ZFAND2B: variants seen among roughly 807,000 people sequenced by gnomAD.
ZFAND2B encodes the protein zinc finger AN1-type containing 2B.
Under a neutral mutation model 38.2 loss-of-function variants are expected in ZFAND2B, and 27 were observed. The observed-to-expected ratio is 0.71, with a 90% CI of 0.52 to 0.97. The LOEUF is 0.97. ZFAND2B is among the 50% of genes least tolerant of loss of function. The probability of loss-of-function intolerance (pLI) is 0.00; values close to 1 mark genes in which losing one functional copy is unlikely to be tolerated. For missense variants in ZFAND2B, 303 were observed against 331.5 expected (o/e 0.91, Z 0.67); for synonymous variants, 111 against 119.4 (o/e 0.93, Z 0.46).
rs1244094616 is a variant in ZFAND2B, at chr2:219,209,052, A to G, written c.729+3A>G. 1.2e-6 allele frequency: 2 copies of G among 1,614,100 alleles called. No individual in the cohort carries two copies. The highest frequency in any genetic ancestry group is 8.5e-7 in the Non-Finnish European group (1 of 1,180,032). ...AGGCAGAATACCAGCGGCAGCAGGT[A>G]TGAGGCTGGGCTGAAGATATATGCT... On this transcript the variant is annotated splice_donor_region_variant and intron_variant, in intron 8 of 8. Coordinates refer to ENST00000289528, the MANE Select transcript of ZFAND2B (RefSeq NM_138802.3).
rs1209542760 is a variant in ZFAND2B, at chr2:219,207,953, C to G, written c.349C>G (p.Arg117Gly). ...AGAAATGATGAAACTGACCTGTGAACGCTGTAGCCGAAACTTCTGCATCAA... is the reference window on the plus strand; with the variant it reads ...AGAAATGATGAAACTGACCTGTGAAGGCTGTAGCCGAAACTTCTGCATCAA... ...QREMMKLTCE[R>G]CSRNFCIKHR... The change falls in exon 4 of 9, where the codon CGC becomes GGC. Residue 117 changes from arginine to glycine, a missense_variant. Arg to Gly is a moderately radical substitution (Grantham distance 125). Coordinates refer to ENST00000289528, the MANE Select transcript of ZFAND2B (RefSeq NM_138802.3). The G allele has an allele frequency of 7.4e-6, 12 of 1,614,048 alleles. No individual in the cohort carries two copies. The highest frequency in any genetic ancestry group is 1.0e-5 in the Non-Finnish European group (12 of 1,180,032).
chr2:219,207,274 A>C lies in ZFAND2B; in HGVS notation c.56-53A>C, dbSNP rs571225281. The stretch of plus-strand genomic sequence containing the variant: ...TTCCCGAGTGGAAGACTTGAGTGAG[A>C]GAGAAGGACATCGAGGTCCCGCTGG... On this transcript the variant is annotated intron_variant, in intron 1 of 8. Transcript: ENST00000289528. The C allele has an allele frequency of 3.2e-6, 5 of 1,572,022 alleles. No homozygotes were observed. In the African/African-American group the frequency reaches 4.0e-5, roughly 13 times the overall value.
intron 2 of ZFAND2B, 103 bp downstream of exon 2, chr2:219,207,524 C>A (rs1950505329): frequency 1.3e-6 from 2 of 1,581,664 alleles, no homozygotes; most frequent in African/African-American, 1.3e-5. Flanking sequence ...CCTTCTGAGG[C>A]TGTCAGTGCT....
rs1950492065 is a variant in ZFAND2B at position 219,206,942 on chromosome 2, G to A, written c.-46G>A. ...GACTTCGAGCACGAGCCCTAAAGAC[G>A]CTCAGCACTCGTCGCTTCTCCTAGC... On this transcript the variant is annotated 5_prime_UTR_variant, in exon 1 of 9. Coordinates refer to ENST00000289528, the MANE Select transcript of ZFAND2B (RefSeq NM_138802.3). 1 of 1,605,706 alleles carries A rather than the reference G, an allele frequency of 6.2e-7. No individual in the cohort carries two copies.
At position 219,208,368 on chromosome 2, in the gene ZFAND2B, T is replaced by G. The variant is rs760184101; in HGVS notation, c.527+20T>G. The G allele has an allele frequency of 1.9e-6, 3 of 1,614,100 alleles. No individual in the cohort carries two copies. The African/African-American group carries it at 4.0e-5, about 22-fold the overall frequency. On this transcript the variant is annotated intron_variant, in intron 5 of 8. Transcript: ENST00000289528. Reference sequence around the variant, plus strand: ...CAGCAGGTAGGCCTGCCCGTTTCCCTGCTCCCCCTTTTTCCCCTTCACACC... The same window carrying G: ...CAGCAGGTAGGCCTGCCCGTTTCCCGGCTCCCCCTTTTTCCCCTTCACACC...
In ZFAND2B at chr2:219,208,589, G is replaced by T. The variant is rs955321690; in HGVS notation, c.606G>T (p.Leu202=). The T allele has an allele frequency of 6.2e-7, 1 of 1,614,188 alleles. No homozygotes were observed. The highest frequency in any genetic ancestry group is 2.2e-5 in the East Asian group (1 of 44,888). The change falls in exon 7 of 9, where the codon CTG becomes CTT. Residue 202 remains leucine (L), a synonymous_variant. Coordinates refer to ENST00000289528, the MANE Select transcript of ZFAND2B (RefSeq NM_138802.3). Reference sequence around the variant, plus strand: ...CTTTGTAGAGTGAGGATGAAGCTCTGCAGCGGGCCCTGGAAATGTCCCTGG... The same window carrying T: ...CTTTGTAGAGTGAGGATGAAGCTCTTCAGCGGGCCCTGGAAATGTCCCTGG... ...LQNGLSEDEA[L]QRALEMSLAE...
chr2:219,206,931 G>A lies in ZFAND2B; in HGVS notation c.-57G>A, dbSNP rs1206673207. 7.6e-6 allele frequency: 12 copies of A among 1,589,200 alleles called. No homozygotes were observed. Among genetic ancestry groups the A allele is most frequent in the Non-Finnish European group, 9.5e-6 (11 of 1,163,424 alleles). ...GTCGCGGTGCGGACTTCGAGCACGA[G>A]CCCTAAAGACGCTCAGCACTCGTCG... On this transcript the variant is annotated 5_prime_UTR_variant, in exon 1 of 9. Coordinates refer to ENST00000289528, the MANE Select transcript of ZFAND2B (RefSeq NM_138802.3).
In ZFAND2B at chr2:219,206,802, G is replaced by C; in HGVS notation, c.-186G>C. On this transcript the variant is annotated 5_prime_UTR_variant, in exon 1 of 9. Transcript: ENST00000289528. ...ATGACGTCAGCGCGCCGCGCGCGCC[G>C]AGGGAGGAGCGGGCGCCGGGGGCCG... 1 of 534,442 alleles carries C rather than the reference G, an allele frequency of 1.9e-6. No individual in the cohort carries two copies. The highest frequency in any genetic ancestry group is 3.1e-6 in the Non-Finnish European group (1 of 327,538). 33.1% of individuals were successfully genotyped at this position (534,442 alleles called of 1,614,324 possible).
chr2:219,209,040 G>A lies in ZFAND2B; in HGVS notation c.720G>A (p.Gln240=), dbSNP rs201066889. The A allele has an allele frequency of 6.2e-7, 1 of 1,614,212 alleles. No homozygotes were observed. Among genetic ancestry groups the A allele is most frequent in the East Asian group, 2.2e-5 (1 of 44,886 alleles). ...TGTCAGCCAGTGAGGCAGAATACCA[G>A]CGGCAGCAGGTATGAGGCTGGGCTG... ...QALSASEAEY[Q]RQQAQSRSSK... is the part of the protein sequence containing the mutation. Residue 240 remains glutamine, a synonymous_variant, in exon 8 of 9, where the codon CAG becomes CAA. Coordinates refer to ENST00000289528, the MANE Select transcript of ZFAND2B (RefSeq NM_138802.3).
chr2:219,209,584 C>G lies in ZFAND2B; in HGVS notation c.*278C>G. 1 of 681,958 alleles carries G rather than the reference C, an allele frequency of 1.5e-6. No individual in the cohort carries two copies. Among genetic ancestry groups the G allele is most frequent in the Non-Finnish European group, 2.8e-6 (1 of 363,044 alleles). 42.2% of individuals were successfully genotyped at this position (681,958 alleles called of 1,614,324 possible). A position where few individuals can be genotyped will look rare whatever the true frequency, so the allele number is the denominator to read the frequency against. On this transcript the variant is annotated 3_prime_UTR_variant, in exon 9 of 9. Coordinates refer to ENST00000289528, the MANE Select transcript of ZFAND2B (RefSeq NM_138802.3). ...TCATCTCCCTTATGCTGGAGCTGCC[C>G]CGATGTGGAGTGGGCAGGAAGGGGC... is the stretch of plus-strand genomic sequence containing the variant.
intron 8 of ZFAND2B, 85 bp from the exon 9 acceptor site, chr2:219,209,177 C>T: frequency 1.3e-6 from 2 of 1,568,620 alleles, no homozygotes; most frequent in South Asian, 2.3e-5. Flanking sequence ...GACTCCAGCC[C>T]ATGCTGAGCT....
intron 8 of ZFAND2B, 80 bp downstream of exon 8, chr2:219,209,129 G>C (rs1369225056): frequency 1.9e-6 from 3 of 1,594,242 alleles, no homozygotes; most frequent in East Asian, 4.5e-5. Flanking sequence ...TAGTGGTGCA[G>C]AGTTTTGGAA....
In ZFAND2B at chr2:219,209,596, G is replaced by A. The variant is rs1230190038; in HGVS notation, c.*290G>A. 1.5e-6 allele frequency: 1 copy of A among 666,468 alleles called. No homozygotes were observed. Among genetic ancestry groups the A allele is most frequent in the Non-Finnish European group, 2.8e-6 (1 of 354,654 alleles). The allele number at this position is 666,468 out of a possible 1,614,324, so 41.3% of individuals were successfully genotyped here. A position where few individuals can be genotyped will look rare whatever the true frequency, so the allele number is the denominator to read the frequency against. ...TGCTGGAGCTGCCCCGATGTGGAGT[G>A]GGCAGGAAGGGGCCTGGAAAAAATA... On this transcript the variant is annotated 3_prime_UTR_variant, in exon 9 of 9. Transcript: ENST00000289528.
Position 219,207,007 on chromosome 2 carries a change from G to A in ZFAND2B, c.20G>A (p.Gly7Asp), listed in dbSNP as rs370443434. 1.9e-6 allele frequency: 3 copies of A among 1,611,944 alleles called. No individual in the cohort carries two copies. Among genetic ancestry groups the A allele is most frequent in the Non-Finnish European group, 2.5e-6 (3 of 1,179,260 alleles). ...TTGGCGATGGAGTTTCCGGACCTCGGCGCTCACTGTTCGGAGCCGAGCTGT... is the reference window on the plus strand; with the variant it reads ...TTGGCGATGGAGTTTCCGGACCTCGACGCTCACTGTTCGGAGCCGAGCTGT... MEFPDL[G>D]AHCSEPSCQR... The change falls in exon 1 of 9, where the codon GGC becomes GAC. Residue 7 changes from glycine to aspartate, a missense_variant. By Grantham distance (94) the Gly-to-Asp change is moderately conservative. Coordinates refer to ENST00000289528, the MANE Select transcript of ZFAND2B (RefSeq NM_138802.3).
At chr2:219,208,856 T>C in intron 7 of ZFAND2B, 121 bp from the exon 8 acceptor site, 1 of 1,140,538 alleles carries the variant, frequency 8.8e-7, no homozygotes, top group South Asian at 1.3e-5. Flanking sequence ...CTTGTAGTGT[T>C]GCTATGAAGA....
chr2:219,207,752 C>T lies in ZFAND2B; in HGVS notation c.255C>T (p.Arg85=). ...AVGEHIDRDC[R]SDPAQQKRKI... is the part of the protein sequence containing the mutation. ...GAGAGCACATTGACAGAGACTGTCG[C>T]TCTGATCCAGCACAGCAAAAACGTA... The change falls in exon 3 of 9, where the codon CGC becomes CGT. Residue 85 remains arginine, a synonymous_variant. Coordinates refer to ENST00000289528, the MANE Select transcript of ZFAND2B (RefSeq NM_138802.3). 6.2e-7 allele frequency: 1 copy of T among 1,614,172 alleles called. No homozygotes were observed. The highest frequency in any genetic ancestry group is 8.5e-7 in the Non-Finnish European group (1 of 1,180,044).
chr2:219,209,467 C>G lies in ZFAND2B; in HGVS notation c.*161C>G. 2.4e-6 allele frequency: 2 copies of G among 848,140 alleles called. No individual in the cohort carries two copies. Among genetic ancestry groups the G allele is most frequent in the Non-Finnish European group, 3.9e-6 (2 of 506,360 alleles). 52.5% of individuals were successfully genotyped at this position (848,140 alleles called of 1,614,324 possible). A position where few individuals can be genotyped will look rare whatever the true frequency, so the allele number is the denominator to read the frequency against. On this transcript the variant is annotated 3_prime_UTR_variant, in exon 9 of 9. Coordinates refer to ENST00000289528, the MANE Select transcript of ZFAND2B (RefSeq NM_138802.3). ...GCCTCTGGAAGGCCTTGCTAGTGCT[C>G]CAGCTGCATGGAAGAGAGCGGCTAG...
chr2:219,206,787 C>T lies in ZFAND2B; in HGVS notation c.-201C>T. ...CGCCAGCCCTGCGGGATGACGTCAG[C>T]GCGCCGCGCGCGCCGAGGGAGGAGC... On this transcript the variant is annotated 5_prime_UTR_variant, in exon 1 of 9. Transcript: ENST00000289528. 1 of 470,676 alleles carries T rather than the reference C, an allele frequency of 2.1e-6. No individual in the cohort carries two copies. The highest frequency in any genetic ancestry group is 3.6e-6 in the Non-Finnish European group (1 of 277,218). The allele number at this position is 470,676 out of a possible 1,614,324, so 29.2% of individuals were successfully genotyped here. A position where few individuals can be genotyped will look rare whatever the true frequency, so the allele number is the denominator to read the frequency against.
At position 219,208,261 on chromosome 2, in the gene ZFAND2B, C is replaced by A; in HGVS notation, c.440C>A (p.Ala147Asp). The A allele has an allele frequency of 1.9e-6, 3 of 1,614,194 alleles. No homozygotes were observed. The highest frequency in any genetic ancestry group is 2.5e-6 in the Non-Finnish European group (3 of 1,180,024). The change falls in exon 5 of 9, where the codon GCT becomes GAT. Residue 147 changes from alanine to aspartate, a missense_variant. Transcript: ENST00000289528. ...AAAATCTCTCTTCCCTACAGACTTG[C>A]TGCCATCTCCAGAGCACAAGCTGTG... ...EGHPTSRAGLAAISRAQAVAS... is the reference protein window; with the variant it reads ...EGHPTSRAGLDAISRAQAVAS...
Sources: allele counts gnomAD v4.1 joint callset, GRCh38; gene constraint gnomAD v4.1.1; transcripts MANE v1.5; gene names NCBI Gene and HGNC (gene_info 2026-07-23, HGNC 2026-07-21).